The following GRID2 variants were observed in gnomAD, a reference collection of about 807,000 sequenced individuals.
The protein encoded by GRID2 is glutamate ionotropic receptor delta type subunit 2, also known as glutamate receptor ionotropic, delta-2.
GRID2 carries 33 observed loss-of-function variants against 114.8 expected under a neutral mutation model. The observed-to-expected ratio is 0.29, with a 90% confidence interval of 0.22 to 0.38. The LOEUF is 0.38. GRID2 is among the 10% of genes least tolerant of loss of function. The probability of loss-of-function intolerance (pLI) is 1.00; values close to 1 mark genes in which losing one functional copy is unlikely to be tolerated. For missense variants in GRID2, 1,184 were observed against 1,257.7 expected, an observed-to-expected ratio of 0.94 and a Z score of 0.89; for synonymous variants, 505 against 449.9, an observed-to-expected ratio of 1.12 and a Z score of -1.55.
At chr4:92,499,765 C>T (rs1723578358) in intron 1 of GRID2, among the ~76,000 whole-genome samples, 1 of 152,162 alleles carries the variant, frequency 6.6e-6, no homozygotes. Context: ...CAGGGACGCA[C>T]CACCATGCCC....
chr4:92,363,379 A>G (rs1728705063), intron 1 of GRID2, among the ~76,000 whole-genome samples: 1 of 152,078 alleles, frequency 6.6e-6, no homozygotes, highest in South Asian at 2.1e-4. Flanking sequence ...ACTCATTTTG[A>G]CTTCAGAACA....
At chr4:92,363,592 AT>A (rs1023196711) in intron 1 of GRID2, among the ~76,000 whole-genome samples, 5 of 151,696 alleles carry the variant, frequency 3.3e-5, no homozygotes, top group African/African-American at 4.8e-5. Flanking sequence ...ACGGTGATTC[AT>A]TTTTTTTCTG....
At chr4:92,948,336 A>G (rs930372044) in intron 2 of GRID2, among the ~76,000 whole-genome samples, 3 of 151,876 alleles carry the variant, frequency 2.0e-5, no homozygotes, top group Non-Finnish European at 4.4e-5. Context: ...TTATGGCTTT[A>G]GTGGGTATAA....
intron 1 of GRID2, among the ~76,000 whole-genome samples, chr4:93,788,071 C>T (rs552056730): frequency 1.3e-5 from 2 of 152,118 alleles, no homozygotes; most frequent in Non-Finnish European, 2.9e-5. Context: ...AATCCCAGCA[C>T]TTTAGGAGGC....
intron 1 of GRID2, among the ~76,000 whole-genome samples, chr4:92,519,453 C>G (rs988042548): frequency 1.3e-5 from 2 of 151,432 alleles, no homozygotes; most frequent in Admixed American, 6.6e-5. Context: ...AGTAATTCAC[C>G]TAGAAAACGT....
intron 9 of GRID2, among the ~76,000 whole-genome samples, chr4:93,419,679 T>C (rs1364171668): frequency 6.6e-6 from 1 of 152,114 alleles, no homozygotes. Context: ...AATATAGCCA[T>C]TTCTATTCTG....
At position 93,322,896 on chromosome 4, in the gene GRID2, TG is replaced by T. The variant is rs562701662; in HGVS notation, c.1246-72710del. Among the ~76,000 whole-genome samples, 67 of 152,302 alleles carry T rather than the reference TG, an allele frequency of 4.4e-4. No homozygotes were observed. The East Asian group carries it at 0.011, about 26-fold the overall frequency. On this transcript the variant is annotated intron_variant, in intron 8 of 15. Coordinates refer to ENST00000282020, the MANE Select transcript of GRID2 (RefSeq NM_001510.4). ...TTGCCCACTTTTTAATGGGGTTGTTTGTTTTTTTATTGTAAATTTGTTTGAG... is the reference window on the plus strand; with the variant it reads ...TTGCCCACTTTTTAATGGGGTTGTTTTTTTTTTATTGTAAATTTGTTTGAG...
chr4:93,783,763 A>G (rs1435002117), intron 1 of GRID2, among the ~76,000 whole-genome samples: 2 of 152,112 alleles, frequency 1.3e-5, no homozygotes, highest in African/African-American at 4.8e-5. Flanking sequence ...GAGTCCCTCT[A>G]ATGAAAACCT....
intron 2 of GRID2, among the ~76,000 whole-genome samples, chr4:92,598,268 C>A (rs561640702): frequency 1.3e-5 from 2 of 152,080 alleles, no homozygotes; most frequent in African/African-American, 4.8e-5. Flanking sequence ...AGTCTTGTGC[C>A]AACTACTCTG....
chr4:92,449,595 A>G (rs1457855660), intron 1 of GRID2, among the ~76,000 whole-genome samples: 3 of 147,448 alleles, frequency 2.0e-5, no homozygotes, highest in African/African-American at 7.4e-5. Flanking sequence ...CTGCAAAAAT[A>G]TTCATATTTA....
intron 13 of GRID2, among the ~76,000 whole-genome samples, chr4:93,525,763 C>A (rs922824563): frequency 1.3e-5 from 2 of 152,118 alleles, no homozygotes; most frequent in Non-Finnish European, 2.9e-5. Flanking sequence ...ACCCTAACAT[C>A]AAGCCTATGT....
chr4:92,355,507 T>C lies in GRID2; in HGVS notation c.88+50763T>C, dbSNP rs116422590. Among the ~76,000 whole-genome samples, 532 of 151,912 alleles carry C rather than the reference T, an allele frequency of 3.5e-3. 2 individuals carry two copies. The highest frequency in any genetic ancestry group is 0.012 in the African/African-American group (518 of 41,520). On this transcript the variant is annotated intron_variant, in intron 1 of 15. Coordinates refer to ENST00000282020, the MANE Select transcript of GRID2 (RefSeq NM_001510.4). The stretch of plus-strand genomic sequence containing the variant: ...ATTTCTTTTAGGGTGACTTTCATAC[T>C]ATGAAGAAAAAAAGGTCATAAGGGT...
At chr4:92,593,829 C>T (rs1209196735) in intron 2 of GRID2, among the ~76,000 whole-genome samples, 2 of 149,024 alleles carry the variant, frequency 1.3e-5, no homozygotes, top group Non-Finnish European at 3.0e-5. Context: ...ATTTTCAAAC[C>T]TTAACTCACG....
chr4:92,383,483 C>T (rs954937823), intron 1 of GRID2, among the ~76,000 whole-genome samples: 1 of 151,914 alleles, frequency 6.6e-6, no homozygotes, highest in Non-Finnish European at 1.5e-5. Context: ...AAGAAACATG[C>T]CAGTACAGCC....
chr4:92,374,312 A>G (rs1157908610), intron 1 of GRID2, among the ~76,000 whole-genome samples: 1 of 152,294 alleles, frequency 6.6e-6, no homozygotes, highest in East Asian at 1.9e-4. Context: ...ATTCATTTCT[A>G]TTAATCCCAG....
chr4:93,126,077 C>T (rs189105393), intron 4 of GRID2, among the ~76,000 whole-genome samples: 6 of 152,150 alleles, frequency 3.9e-5, no homozygotes, highest in South Asian at 2.1e-4. Context: ...CTTCATATAT[C>T]ATTCTGTTTT....
intron 2 of GRID2, among the ~76,000 whole-genome samples, chr4:92,683,024 G>T (rs751573395): frequency 3.9e-5 from 6 of 152,108 alleles, no homozygotes; most frequent in Non-Finnish European, 7.4e-5. Context: ...AATAGGCTAG[G>T]TGCGGTGGCT....
chr4:93,611,806 A>T (rs1740951515), intron 13 of GRID2, among the ~76,000 whole-genome samples: 2 of 150,928 alleles, frequency 1.3e-5, no homozygotes, highest in Non-Finnish European at 1.5e-5. Flanking sequence ...TTTGGGGTGG[A>T]GAGTTCTGTA....
chr4:92,960,854 T>A (rs527894310), intron 2 of GRID2, among the ~76,000 whole-genome samples: 1 of 152,050 alleles, frequency 6.6e-6, no homozygotes, highest in Non-Finnish European at 1.5e-5. Context: ...ATTTAATTGA[T>A]CACTTTATAT....
Sources: gnomAD v4.1 joint callset for allele counts (sites outside exome capture counted in the v4.1 genomes callset) on GRCh38, gnomAD v4.1.1 for gene constraint, MANE v1.5 for transcripts, NCBI Gene and HGNC (gene_info 2026-07-23, HGNC 2026-07-21) for gene names.